Variants in TNR observed in about 807,000 individuals in gnomAD.
TNR encodes tenascin R.
A neutral mutation model predicts 150.4 loss-of-function variants in TNR; 45 were observed. The observed-to-expected ratio is 0.30, with a 90% CI of 0.24 to 0.38. The LOEUF is 0.38. Ranked by LOEUF, TNR falls within the 10% of genes least tolerant of loss-of-function variation. The pLI is 1.00. For synonymous variants in TNR, 687 were observed against 678.4 expected (o/e 1.01, Z -0.20); for missense variants, 1,544 against 1,759.1 (o/e 0.88, Z 2.19).
chr1:175,338,627 T>TG (rs1275348044), intron 18 of TNR, among the ~76,000 whole-genome samples: 1 of 152,160 alleles, frequency 6.6e-6, no homozygotes, highest in Non-Finnish European at 1.5e-5. Context: ...CTTGAACTGT[T>TG]GCAGTCAGGA....
At chr1:175,487,692 G>T (rs1476137139) in intron 2 of TNR, among the ~76,000 whole-genome samples, 1 of 152,006 alleles carries the variant, frequency 6.6e-6, no homozygotes, top group Non-Finnish European at 1.5e-5. Context: ...CTGAAAATGG[G>T]GATAATCACA....
intron 1 of TNR, among the ~76,000 whole-genome samples, chr1:175,636,898 C>A (rs964996274): frequency 3.3e-5 from 5 of 152,326 alleles, no homozygotes; most frequent in Non-Finnish European, 5.9e-5. Flanking sequence ...CCCTTTGCGA[C>A]CTCCATAACT....
At chr1:175,378,910 T>A (rs1248525268) in intron 9 of TNR, among the ~76,000 whole-genome samples, 2 of 152,176 alleles carry the variant, frequency 1.3e-5, no homozygotes, top group African/African-American at 4.8e-5. Context: ...CCAGGTGCAG[T>A]GGCTCACACC....
intron 2 of TNR, among the ~76,000 whole-genome samples, chr1:175,510,646 C>T (rs1659131594): frequency 6.6e-6 from 1 of 152,172 alleles, no homozygotes; most frequent in African/African-American, 2.4e-5. Context: ...ACTCCTGATT[C>T]AGGAAACTAT....
intron 2 of TNR, among the ~76,000 whole-genome samples, chr1:175,476,035 C>A (rs1349247714): frequency 1.3e-5 from 2 of 152,178 alleles, no homozygotes; most frequent in African/African-American, 4.8e-5. Flanking sequence ...GCAAACGCAG[C>A]CCAAATTGGA....
At chr1:175,712,895 T>C (rs1324174528) in intron 1 of TNR, among the ~76,000 whole-genome samples, 1 of 152,106 alleles carries the variant, frequency 6.6e-6, no homozygotes, top group Non-Finnish European at 1.5e-5. Flanking sequence ...AAGGCAAGAA[T>C]GAAAGAATGG....
At chr1:175,580,118 G>A (rs1023306087) in intron 1 of TNR, among the ~76,000 whole-genome samples, 1 of 152,160 alleles carries the variant, frequency 6.6e-6, no homozygotes, top group Non-Finnish European at 1.5e-5. Context: ...AAAGTGGGGA[G>A]GTGGCTCTGG....
At chr1:175,622,972 C>T (rs1248714194) in intron 1 of TNR, among the ~76,000 whole-genome samples, 2 of 152,162 alleles carry the variant, frequency 1.3e-5, no homozygotes, top group African/African-American at 4.8e-5. Flanking sequence ...AAGAACCCAC[C>T]CTACTCCAGT....
At chr1:175,344,055 G>A (rs1209703470) in intron 18 of TNR, among the ~76,000 whole-genome samples, 2 of 152,240 alleles carry the variant, frequency 1.3e-5, no homozygotes, top group Non-Finnish European at 2.9e-5. Flanking sequence ...TCCACAAGGT[G>A]AGAGTGCACC....
chr1:175,514,831 A>G (rs974094881), intron 2 of TNR, among the ~76,000 whole-genome samples: 1 of 152,356 alleles, frequency 6.6e-6, no homozygotes, highest in East Asian at 1.9e-4. Flanking sequence ...TGCAGTGTGC[A>G]GAGCGGGGGA....
chr1:175,446,260 A>G (rs1233107167), intron 2 of TNR, among the ~76,000 whole-genome samples: 1 of 152,208 alleles, frequency 6.6e-6, no homozygotes, highest in East Asian at 1.9e-4. Context: ...TACTCAGGGA[A>G]CTGCTGCATC....
At position 175,704,218 on chromosome 1, in the gene TNR, C is replaced by T. The variant is rs137903814; in HGVS notation, c.-165+39008G>A. ...GATTAAAATGTTAAATTTTATGTTA[C>T]GTGGATTTTACCATAATAAACGAGT... is the stretch of plus-strand genomic sequence containing the variant. On this transcript the variant is annotated intron_variant, in intron 1 of 22. Coordinates refer to ENST00000367674, the MANE Select transcript of TNR (RefSeq NM_003285.3). 5.1e-3 allele frequency among the ~76,000 whole-genome samples: 773 copies of T among 152,266 alleles called. 13 individuals are homozygous for T. Among genetic ancestry groups the T allele is most frequent in the Middle Eastern group, 3.4e-3 (1 of 294 alleles).
rs569929010 is a variant in TNR, at chr1:175,425,793, A to C, written c.-63-19016T>G. Among the ~76,000 whole-genome samples the C allele has an allele frequency of 9.2e-5, 14 of 152,268 alleles. 1 individual carries two copies. The East Asian group carries it at 1.5e-3, about 17-fold the overall frequency. ...GGCTGGGCCTGGGAACATAGGGTCC[A>C]TCAGGCCCTTCTTCTCTAAGCAGTG... On this transcript the variant is annotated intron_variant, in intron 2 of 22. Transcript: ENST00000367674.
At chr1:175,475,029 AC>A (rs1490034860) in intron 2 of TNR, among the ~76,000 whole-genome samples, 4 of 152,164 alleles carry the variant, frequency 2.6e-5, no homozygotes, top group African/African-American at 9.7e-5. Context: ...AGTGGCTTGG[AC>A]TCAAGAAGAG....
intron 1 of TNR, among the ~76,000 whole-genome samples, chr1:175,671,920 TG>T (rs1304171987): frequency 6.6e-6 from 1 of 150,486 alleles, no homozygotes; most frequent in Admixed American, 6.6e-5. Flanking sequence ...CCTGTGTGTG[TG>T]TGTGTGTGTG....
chr1:175,543,400 A>G (rs1417160890), intron 1 of TNR, among the ~76,000 whole-genome samples: 3 of 152,118 alleles, frequency 2.0e-5, no homozygotes, highest in Non-Finnish European at 2.9e-5. Context: ...GGCTTCAGAG[A>G]GAGTACTTTT....
At position 175,452,723 on chromosome 1, in the gene TNR, T is replaced by C. The variant is rs534461710; in HGVS notation, c.-63-45946A>G. Among the ~76,000 whole-genome samples, 33 of 152,310 alleles carry C rather than the reference T, an allele frequency of 2.2e-4. No homozygotes were observed. In the East Asian group the frequency reaches 5.0e-3, roughly 23 times the overall value. ...GGGAGTAAAGAGTGACGGGAACTGA[T>C]TTGTATTTTTAAAGGATGACCCTGC... On this transcript the variant is annotated intron_variant, in intron 2 of 22. Coordinates refer to ENST00000367674, the MANE Select transcript of TNR (RefSeq NM_003285.3).
At chr1:175,696,237 T>C (rs1259643539) in intron 1 of TNR, among the ~76,000 whole-genome samples, 5 of 147,678 alleles carry the variant, frequency 3.4e-5, no homozygotes, top group African/African-American at 1.3e-4. Context: ...TTTTTTTTTT[T>C]TTTTTTTCCA....
chr1:175,685,189 C>T (rs1013995529), intron 1 of TNR, among the ~76,000 whole-genome samples: 1 of 152,144 alleles, frequency 6.6e-6, no homozygotes, highest in Non-Finnish European at 1.5e-5. Flanking sequence ...GATCTTTTCA[C>T]CTTTTTGTCC....
Sources: allele counts gnomAD v4.1 joint callset (sites outside exome capture counted in the v4.1 genomes callset), GRCh38; gene constraint gnomAD v4.1.1; transcripts MANE v1.5; gene names NCBI Gene and HGNC (gene_info 2026-07-23, HGNC 2026-07-21).